THNSL1: variants seen among roughly 807,000 people sequenced by gnomAD.
The protein encoded by THNSL1 is threonine synthase-like 1.
In THNSL1, 48 loss-of-function variants were observed where a neutral mutation model predicts 50.4. The ratio of observed to expected loss-of-function variants is 0.95; its 90% CI spans 0.76 to 1.21. The LOEUF is 1.21. Among genes scored for constraint, THNSL1 ranks in the 50% most tolerant of loss-of-function variants. The probability of loss-of-function intolerance (pLI) is 0.00; values close to 1 mark genes in which losing one functional copy is unlikely to be tolerated. For synonymous variants in THNSL1, 309 were observed against 306.1 expected, an observed-to-expected ratio of 1.01 and a Z score of -0.10; for missense variants, 896 against 871.7, an observed-to-expected ratio of 1.03 and a Z score of -0.35.
chr10:24,969,322 C>T, the THNSL1 span, among the ~76,000 whole-genome samples: 1 of 152,104 alleles, frequency 6.6e-6, no homozygotes. Flanking sequence ...ATGAGTGTTA[C>T]GTACTTAAGA....
the THNSL1 span, among the ~76,000 whole-genome samples, chr10:25,008,320 G>C: frequency 6.6e-6 from 1 of 152,134 alleles, no homozygotes; most frequent in Non-Finnish European, 1.5e-5. Flanking sequence ...TGTTTTCCTT[G>C]ATTAAATTCT....
chr10:24,995,181 G>A, the THNSL1 span, among the ~76,000 whole-genome samples: 1 of 152,132 alleles, frequency 6.6e-6, no homozygotes, highest in Non-Finnish European at 1.5e-5. Context: ...ATAGGAATGT[G>A]AATTATTTAT....
At chr10:24,979,073 T>C in the THNSL1 span, among the ~76,000 whole-genome samples, 4 of 152,352 alleles carry the variant, frequency 2.6e-5, no homozygotes, top group African/African-American at 9.6e-5. Context: ...AACCAGTGTT[T>C]ACGAATAAAT....
chr10:24,969,440 A>C, the THNSL1 span, among the ~76,000 whole-genome samples: 7 of 152,236 alleles, frequency 4.6e-5, no homozygotes, highest in Admixed American at 4.6e-4. Flanking sequence ...TATAACATGG[A>C]AAAAATGAAA....
chr10:25,023,941 G>A lies in THNSL1; in HGVS notation c.718G>A (p.Glu240Lys). 1 of 1,614,190 alleles carries A rather than the reference G, an allele frequency of 6.2e-7. No individual in the cohort carries two copies. Among genetic ancestry groups the A allele is most frequent in the Non-Finnish European group, 8.5e-7 (1 of 1,180,026 alleles). ...CATTTCAACAAGACACGTTTGGCCT[G>A]AAGACTGTGAACAGAAGGTTTCAGC... ...TFISTRHVWPEDCEQKVSAKF... is the reference protein window; with the variant it reads ...TFISTRHVWPKDCEQKVSAKF... Residue 240 changes from glutamate (E) to lysine (K), a missense_variant, in exon 3 of 3, where the codon GAA becomes AAA. Coordinates refer to ENST00000376356, the MANE Select transcript of THNSL1 (RefSeq NM_024838.5).
the THNSL1 span, among the ~76,000 whole-genome samples, chr10:24,967,761 T>G: frequency 6.6e-6 from 1 of 151,884 alleles, no homozygotes. Flanking sequence ...TGTATGTATA[T>G]GCACGATGTG....
At chr10:24,955,138 G>A in the THNSL1 span, among the ~76,000 whole-genome samples, 1 of 152,168 alleles carries the variant, frequency 6.6e-6, no homozygotes, top group Non-Finnish European at 1.5e-5. Context: ...GTCTTACCAT[G>A]GCAGAGCAGG....
At position 25,024,800 on chromosome 10, in the gene THNSL1, C is replaced by T. The variant is rs946261806; in HGVS notation, c.1577C>T (p.Pro526Leu). 1.9e-5 allele frequency: 31 copies of T among 1,614,086 alleles called. No homozygotes were observed. The highest frequency in any genetic ancestry group is 2.4e-5 in the Non-Finnish European group (28 of 1,180,014). The change falls in exon 3 of 3, where the codon CCG becomes CTG. Residue 526 changes from proline to leucine, a missense_variant. Pro to Leu is a moderately conservative substitution (Grantham distance 98). Transcript: ENST00000376356. ...GTGTATGCCAAAATGATGGGAATCCCGATTCGAAAATTTATCTGTGCCTCT... is the reference window on the plus strand; with the variant it reads ...GTGTATGCCAAAATGATGGGAATCCTGATTCGAAAATTTATCTGTGCCTCT... The part of the protein sequence containing the change: ...AAVYAKMMGI[P>L]IRKFICASNQ...
chr10:25,024,093 AAG>A lies in THNSL1; in HGVS notation c.873_874del (p.Arg291SerfsTer24). 1 of 1,614,196 alleles carries A rather than the reference AAG, an allele frequency of 6.2e-7. No homozygotes were observed. Among genetic ancestry groups the A allele is most frequent in the Non-Finnish European group, 8.5e-7 (1 of 1,180,016 alleles). The stretch of plus-strand genomic sequence containing the variant: ...GCCTAGTAGGAGCAACCTACGTAGA[AAG>A]AGCACAGATACTGTTGGAAAGATGT... Reference protein sequence around the residue: ...KSLVGATYVERAQILLERCIH... With the variant: ...KSLVGATYVEXAQILLERCIH... On this transcript the variant is annotated frameshift_variant, in exon 3 of 3. Coordinates refer to ENST00000376356, the MANE Select transcript of THNSL1 (RefSeq NM_024838.5). LOFTEE classifies it high-confidence loss of function.
rs748010988 is a variant in THNSL1 at position 25,024,598 on chromosome 10, G to T, written c.1375G>T (p.Val459Leu). ...TTCTGATTTTACTGGCTTTCTTACT[G>T]TGGAATATGGAACAATCTTAAGTTC... ...NDSDFTGFLT[V>L]EYGTILSSAN... is the part of the protein sequence containing the mutation. The change falls in exon 3 of 3, where the codon GTG becomes TTG. Residue 459 changes from valine to leucine, a missense_variant. Transcript: ENST00000376356. 1.2e-6 allele frequency: 2 copies of T among 1,614,162 alleles called. No homozygotes were observed. Among genetic ancestry groups the T allele is most frequent in the Middle Eastern group, 1.6e-4 (1 of 6,062 alleles).
At chr10:25,018,366 A>G (rs543994388) in intron 1 of THNSL1, among the ~76,000 whole-genome samples, 1 of 152,356 alleles carries the variant, frequency 6.6e-6, no homozygotes, top group Admixed American at 6.5e-5. Flanking sequence ...ACTGGTATAT[A>G]CCTACAGGGA....
chr10:24,972,345 T>C, the THNSL1 span, among the ~76,000 whole-genome samples: 1 of 151,086 alleles, frequency 6.6e-6, no homozygotes, highest in South Asian at 2.1e-4. Flanking sequence ...CCATCTCTAC[T>C]AAAAATACAA....
At chr10:24,952,730 A>T in the THNSL1 span, 3 of 726,742 alleles carry the variant, frequency 4.1e-6, no homozygotes, top group African/African-American at 5.5e-5. This position sits in a 1 kb window ranked among gnomAD's most constrained non-coding sequence, Gnocchi z 5.1. Flanking sequence ...GCCGGCGGGA[A>T]GCAGCGGCCT....
the THNSL1 span, chr10:24,990,322 T>G: frequency 9.7e-7 from 1 of 1,033,300 alleles, no homozygotes; most frequent in Non-Finnish European, 1.4e-6. Context: ...CTTTGCTGTA[T>G]GTAGTTTTTA....
At chr10:24,956,616 T>G in the THNSL1 span, among the ~76,000 whole-genome samples, 1 of 152,182 alleles carries the variant, frequency 6.6e-6, no homozygotes, top group Non-Finnish European at 1.5e-5. Context: ...CTCAGGGTAA[T>G]TAGCATACTC....
At chr10:24,982,086 A>T in the THNSL1 span, 2 of 152,272 alleles carry the variant, frequency 1.3e-5, no homozygotes, top group East Asian at 3.8e-4. Flanking sequence ...AAATGTATAC[A>T]GTGTCTTCTC....
Position 25,023,850 on chromosome 10 carries a change from A to C in THNSL1, c.627A>C (p.Pro209=), listed in dbSNP as rs1473897015. 1 of 1,614,112 alleles carries C rather than the reference A, an allele frequency of 6.2e-7. No individual in the cohort carries two copies. Among genetic ancestry groups the C allele is most frequent in the East Asian group, 2.2e-5 (1 of 44,900 alleles). ...TTTTCTGTGAAAGTGGGGCTTCCCC[A>C]GAGGAGGTAGCTGACAAAGTGCTGA... ...ARVFCESGAS[P]EEVADKVLNA... The change falls in exon 3 of 3, where the codon CCA becomes CCC. Residue 209 remains proline, a synonymous_variant. Transcript: ENST00000376356.
At chr10:24,983,577 A>C in the THNSL1 span, 1 of 152,250 alleles carries the variant, frequency 6.6e-6, no homozygotes, top group Non-Finnish European at 1.5e-5. Context: ...AAAGGAATAA[A>C]GATACTCATA....
the THNSL1 span, among the ~76,000 whole-genome samples, chr10:25,001,817 G>T: frequency 3.9e-5 from 6 of 152,140 alleles, no homozygotes; most frequent in African/African-American, 1.4e-4. Context: ...CTTGTCTACT[G>T]ATTCTCTAAT....
Sources: allele counts gnomAD v4.1 joint callset (sites outside exome capture counted in the v4.1 genomes callset), GRCh38; gene constraint gnomAD v4.1.1; non-coding constraint Gnocchi (gnomAD v3.1); transcripts MANE v1.5; gene names NCBI Gene and HGNC (gene_info 2026-07-23, HGNC 2026-07-21).